The following CHD7 variants were observed in gnomAD, a reference collection of about 807,000 sequenced individuals.
The protein encoded by CHD7 is ATP-dependent chromatin remodeler CHD7.
Under a neutral mutation model 307.3 loss-of-function variants are expected in CHD7, and 24 were observed. The ratio of observed to expected loss-of-function variants is 0.08; its 90% CI spans 0.06 to 0.11. The LOEUF is 0.11. CHD7 is among the 10% of genes least tolerant of loss of function. CHD7 has a pLI of 1.00. For synonymous variants in CHD7, 1,363 were observed against 1,349.9 expected (o/e 1.01, Z -0.21); for missense variants, 3,106 against 3,727.1 (o/e 0.83, Z 4.34).
intron 6 of CHD7, among the ~76,000 whole-genome samples, chr8:60,805,014 GAAAT>G (rs1812474256): frequency 6.6e-6 from 1 of 152,180 alleles, no homozygotes; most frequent in African/African-American, 2.4e-5. Context: ...AGCTGCTCAA[GAAAT>G]AAATCTGAGT....
chr8:60,808,089 A>C (rs1812623126), intron 6 of CHD7, 128 bp from the exon 7 acceptor site: 4 of 695,498 alleles, frequency 5.8e-6, no homozygotes, highest in Admixed American at 2.4e-5. Flanking sequence ...CGGTGTGCTC[A>C]TCTTACGTGA....
chr8:60,865,613 C>T lies in CHD7; in HGVS notation c.8674C>T (p.Pro2892Ser). The T allele has an allele frequency of 1.2e-6, 2 of 1,613,706 alleles. No individual in the cohort carries two copies. Among genetic ancestry groups the T allele is most frequent in the Non-Finnish European group, 1.7e-6 (2 of 1,179,630 alleles). The change falls in exon 38 of 38, where the codon CCT (proline) becomes TCT (serine). Residue 2892 changes from proline (P) to serine (S), a missense_variant. Coordinates refer to ENST00000423902, the MANE Select transcript of CHD7 (RefSeq NM_017780.4). The surrounding 1 kb of genome is among the most constrained non-coding windows in gnomAD (Gnocchi z 4.3). ...GCCCTCAAACCCGCTAGCCTTCAACCCTTTCCTCCTGTCCACAATGGCCCC... is the reference window on the plus strand; with the variant it reads ...GCCCTCAAACCCGCTAGCCTTCAACTCTTTCCTCCTGTCCACAATGGCCCC... ...GLPSNPLAFN[P>S]FLLSTMAPGL...
At chr8:60,799,976 T>C (rs1428533027) in intron 4 of CHD7, among the ~76,000 whole-genome samples, 1 of 152,182 alleles carries the variant, frequency 6.6e-6, no homozygotes, top group Admixed American at 6.5e-5. Context: ...CACCTTTTCC[T>C]TAAGATTAAT....
chr8:60,779,458 G>A (rs1811101296), intron 2 of CHD7, among the ~76,000 whole-genome samples: 2 of 152,186 alleles, frequency 1.3e-5, no homozygotes, highest in African/African-American at 4.8e-5. Flanking sequence ...GTGACCTGGG[G>A]TGGCCACATC....
chr8:60,839,602 A>G (rs561519245), intron 19 of CHD7, among the ~76,000 whole-genome samples: 4 of 152,302 alleles, frequency 2.6e-5, no homozygotes, highest in Non-Finnish European at 5.9e-5. Flanking sequence ...ATCCTCCCCA[A>G]TACTTTTTAT....
chr8:60,724,520 G>C (rs1157590890), intron 1 of CHD7, among the ~76,000 whole-genome samples: 3 of 152,200 alleles, frequency 2.0e-5, no homozygotes, highest in Non-Finnish European at 4.4e-5. Flanking sequence ...GGTGGTGGAG[G>C]TGATGGAATG....
chr8:60,774,741 C>T (rs184067571), intron 2 of CHD7, among the ~76,000 whole-genome samples: 1 of 152,300 alleles, frequency 6.6e-6, no homozygotes, highest in African/African-American at 2.4e-5. Context: ...CCTCCACTTG[C>T]GGGGAGCTTT....
At chr8:60,780,978 A>T in intron 2 of CHD7, 22 bp from the exon 3 acceptor site, 2 of 1,504,606 alleles carry the variant, frequency 1.3e-6, no homozygotes, top group South Asian at 2.9e-5. Context: ...AACTAATTTC[A>T]ATTCCTATTT....
chr8:60,701,857 C>T (rs1437090566), intron 1 of CHD7, among the ~76,000 whole-genome samples: 1 of 152,136 alleles, frequency 6.6e-6, no homozygotes, highest in Non-Finnish European at 1.5e-5. Flanking sequence ...TTTAATTTTT[C>T]TGTAGGGCAC....
chr8:60,765,473 C>T (rs1189865045), intron 2 of CHD7, among the ~76,000 whole-genome samples: 1 of 152,160 alleles, frequency 6.6e-6, no homozygotes, highest in African/African-American at 2.4e-5. Context: ...CACTTGACTC[C>T]ACCTGGAGAG....
chr8:60,853,579 C>A, intron 31 of CHD7, 79 bp downstream of exon 31: 1 of 1,138,486 alleles, frequency 8.8e-7, no homozygotes, highest in Non-Finnish European at 1.2e-6. Flanking sequence ...CAGCACGGCA[C>A]CTGCTCTTTT....
intron 4 of CHD7, among the ~76,000 whole-genome samples, chr8:60,797,394 C>G (rs1320739187): frequency 3.3e-5 from 5 of 152,174 alleles, no homozygotes. Context: ...AAGTTGATAT[C>G]AGGAGGAACT....
chr8:60,747,079 G>A (rs190672335), intron 2 of CHD7, among the ~76,000 whole-genome samples: 1 of 152,092 alleles, frequency 6.6e-6, no homozygotes, highest in East Asian at 1.9e-4. Context: ...ATGTATTTAT[G>A]TCTTTCTTTA....
intron 1 of CHD7, among the ~76,000 whole-genome samples, chr8:60,740,329 A>G (rs1044771600): frequency 1.3e-5 from 2 of 152,214 alleles, no homozygotes; most frequent in Non-Finnish European, 2.9e-5. Context: ...GTTTTGGAGA[A>G]AGTTGTATTT....
At chr8:60,737,744 AC>A (rs1318223879) in intron 1 of CHD7, among the ~76,000 whole-genome samples, 1 of 152,190 alleles carries the variant, frequency 6.6e-6, no homozygotes, top group Non-Finnish European at 1.5e-5. Context: ...ACATATTCTC[AC>A]ATTTAGTTAG....
intron 6 of CHD7, among the ~76,000 whole-genome samples, chr8:60,806,993 C>T (rs1239468955): frequency 6.6e-6 from 1 of 152,060 alleles, no homozygotes; most frequent in East Asian, 1.9e-4. Flanking sequence ...CCACTCCACT[C>T]AAGCCTGGGT....
chr8:60,792,782 C>T (rs918057408), intron 3 of CHD7, among the ~76,000 whole-genome samples: 4 of 152,194 alleles, frequency 2.6e-5, no homozygotes, highest in South Asian at 2.1e-4. Flanking sequence ...CCGTGTACAT[C>T]GCTCTGGTAT....
chr8:60,858,160 G>A (rs183951480), intron 34 of CHD7, among the ~76,000 whole-genome samples: 5 of 152,314 alleles, frequency 3.3e-5, no homozygotes, highest in Admixed American at 2.6e-4. Context: ...GGATGCTGAG[G>A]CAGGAGAATT....
chr8:60,830,640 G>A (rs907395437), intron 15 of CHD7, 63 bp downstream of exon 15: 79 of 1,569,108 alleles, frequency 5.0e-5, no homozygotes, highest in Non-Finnish European at 6.6e-5. Context: ...ATCCCTTTCT[G>A]CCCCCAGACT....
Sources: gnomAD v4.1 joint callset for allele counts (sites outside exome capture counted in the v4.1 genomes callset) on GRCh38, gnomAD v4.1.1 for gene constraint, Gnocchi (gnomAD v3.1) non-coding constraint, MANE v1.5 for transcripts, NCBI Gene and HGNC (gene_info 2026-07-23, HGNC 2026-07-21) for gene names.